Variants in RPL14 observed in about 807,000 individuals in gnomAD.
RPL14 encodes large ribosomal subunit protein eL14.
A neutral mutation model predicts 25.3 loss-of-function variants in RPL14; 4 were observed. The ratio of observed to expected loss-of-function variants is 0.16; its 90% CI spans 0.08 to 0.36. The LOEUF is 0.36. Among genes scored for constraint, RPL14 ranks in the 10% least tolerant of loss-of-function variants. RPL14 has a pLI of 1.00. For missense variants in RPL14, 212 were observed against 261.9 expected (o/e 0.81, Z 1.31); for synonymous variants, 75 against 89.8 (o/e 0.84, Z 0.93).
intron 3 of RPL14, among the ~76,000 whole-genome samples, chr3:40,460,605 T>G (rs562627842): frequency 5.3e-5 from 6 of 112,982 alleles, no homozygotes; most frequent in Non-Finnish European, 7.4e-5. Context: ...TTTTTTGTGT[T>G]TTTTTTGAGG....
Position 40,457,875 on chromosome 3 carries a change from C to G in RPL14, c.4-15C>G. The stretch of plus-strand genomic sequence containing the variant: ...TTCTAAGTAAGTTTCACTGTCCTTT[C>G]TCCTCCAATTTTAGGTGTTCAGGCG... On this transcript the variant is annotated splice_polypyrimidine_tract_variant and intron_variant, in intron 1 of 5. Coordinates refer to ENST00000396203, the MANE Select transcript of RPL14 (RefSeq NM_001034996.3). 6.2e-7 allele frequency: 1 copy of G among 1,611,448 alleles called. No individual in the cohort carries two copies. The highest frequency in any genetic ancestry group is 8.5e-7 in the Non-Finnish European group (1 of 1,177,492).
intron 3 of RPL14, among the ~76,000 whole-genome samples, chr3:40,459,437 A>G (rs1383342142): frequency 2.6e-5 from 4 of 152,220 alleles, no homozygotes; most frequent in Non-Finnish European, 5.9e-5. Context: ...GAGGCAGTGA[A>G]TAGCAGTTCT....
rs1697012044 is a variant in RPL14 at position 40,465,197 on chromosome 3, GA to G, written c.*2966del. 6.6e-6 allele frequency: 1 copy of G among 152,292 alleles called. No individual in the cohort carries two copies. The highest frequency in any genetic ancestry group is 6.5e-5 in the Admixed American group (1 of 15,284). 9.4% of individuals were successfully genotyped at this position (152,292 alleles called of 1,614,324 possible). ...CGAATAGAGGTTGGAAAGGAGTCATGAGGGGTGGGAAACTAGCAGGGGCACA... is the reference window on the plus strand; with the variant it reads ...CGAATAGAGGTTGGAAAGGAGTCATGGGGGTGGGAAACTAGCAGGGGCACA... On this transcript the variant is annotated 3_prime_UTR_variant, in exon 6 of 6. Coordinates refer to ENST00000396203, the MANE Select transcript of RPL14 (RefSeq NM_001034996.3).
chr3:40,464,147 A>G lies in RPL14; in HGVS notation c.*1915A>G. 3.4e-6 allele frequency: 1 copy of G among 294,202 alleles called. No individual in the cohort carries two copies. The highest frequency in any genetic ancestry group is 3.3e-5 in the South Asian group (1 of 30,394). The allele number at this position is 294,202 out of a possible 1,614,324, so 18.2% of individuals were successfully genotyped here. A position where few individuals can be genotyped will look rare whatever the true frequency, so the allele number is the denominator to read the frequency against. ...ATGCCCCTCTAATATTGTATTAGAG[A>G]TGGGGTTTTGCCATGTCAGCCAGAC... is the stretch of plus-strand genomic sequence containing the variant. On this transcript the variant is annotated 3_prime_UTR_variant, in exon 6 of 6. Coordinates refer to ENST00000396203, the MANE Select transcript of RPL14 (RefSeq NM_001034996.3).
At position 40,462,357 on chromosome 3, in the gene RPL14, A is replaced by G. The variant is rs545919871; in HGVS notation, c.*125A>G. 1.1e-4 allele frequency: 86 copies of G among 809,928 alleles called. No homozygotes were observed. The South Asian group carries it at 1.6e-3, about 15-fold the overall frequency. 50.2% of individuals were successfully genotyped at this position (809,928 alleles called of 1,614,324 possible). On this transcript the variant is annotated 3_prime_UTR_variant, in exon 6 of 6. Transcript: ENST00000396203. Reference sequence around the variant, plus strand: ...GATTGATAGTAGGATTATAATAAACATTAAATAATCAGTTCCTTTTTTTTT... The same window carrying G: ...GATTGATAGTAGGATTATAATAAACGTTAAATAATCAGTTCCTTTTTTTTT...
In RPL14 at chr3:40,465,325, G is replaced by T. The variant is rs1697013604; in HGVS notation, c.*3093G>T. ...TATGGGGTTCGGAGGTTTTGTGTTT[G>T]TAAATCTGGAGTGATGGGCATGTTC... On this transcript the variant is annotated 3_prime_UTR_variant, in exon 6 of 6. Coordinates refer to ENST00000396203, the MANE Select transcript of RPL14 (RefSeq NM_001034996.3). 1 of 152,210 alleles carries T rather than the reference G, an allele frequency of 6.6e-6. No individual in the cohort carries two copies. Among genetic ancestry groups the T allele is most frequent in the Non-Finnish European group, 1.5e-5 (1 of 68,072 alleles). 9.4% of individuals were successfully genotyped at this position (152,210 alleles called of 1,614,324 possible).
intron 1 of RPL14, 34 bp downstream of exon 1, chr3:40,457,508 CG>C: frequency 6.7e-7 from 1 of 1,496,604 alleles, no homozygotes; most frequent in Non-Finnish European, 9.1e-7. Flanking sequence ...GCAGCGGAAT[CG>C]GGCCCTTCCC....
In RPL14 at chr3:40,458,720, C is replaced by G. The variant is rs1049286296; in HGVS notation, c.184C>G (p.Leu62Val). The G allele has an allele frequency of 6.2e-7, 1 of 1,613,984 alleles. No individual in the cohort carries two copies. The highest frequency in any genetic ancestry group is 8.5e-7 in the Non-Finnish European group (1 of 1,179,864). ...GTGCATGCAGCTCACTGATTTCATC[C>G]TCAAGTTTCCGCACAGGTAACTGTC... ...FKCMQLTDFI[L>V]KFPHSAHQKY... is the part of the protein sequence containing the mutation. Residue 62 changes from leucine (L) to valine (V), a missense_variant, in exon 3 of 6, where the codon CTC becomes GTC. Leu to Val is a conservative substitution (Grantham distance 32). Coordinates refer to ENST00000396203, the MANE Select transcript of RPL14 (RefSeq NM_001034996.3).
rs377662454 is a variant in RPL14, at chr3:40,468,134, C to G, written c.*5902C>G. The G allele has an allele frequency of 1.3e-5, 2 of 152,236 alleles. No homozygotes were observed. Among genetic ancestry groups the G allele is most frequent in the African/African-American group, 4.8e-5 (2 of 41,446 alleles). The allele number at this position is 152,236 out of a possible 1,614,324, so 9.4% of individuals were successfully genotyped here. Reference sequence around the variant, plus strand: ...GGGATTACAGGCGTGAGCCACGGCACCAGGCCCTCTTTTTCTATTTAAACA... The same window carrying G: ...GGGATTACAGGCGTGAGCCACGGCAGCAGGCCCTCTTTTTCTATTTAAACA... On this transcript the variant is annotated 3_prime_UTR_variant, in exon 6 of 6. Coordinates refer to ENST00000396203, the MANE Select transcript of RPL14 (RefSeq NM_001034996.3).
intron 1 of RPL14, 183 bp downstream of exon 1, chr3:40,457,657 C>G (rs1696864837): frequency 7.5e-6 from 5 of 666,424 alleles, no homozygotes; most frequent in Non-Finnish European, 1.3e-5. Flanking sequence ...AGAGCCTTGT[C>G]CTGCCGTGTG....
chr3:40,461,295 G>GTA, intron 3 of RPL14, 112 bp from the exon 4 acceptor site: 1 of 789,904 alleles, frequency 1.3e-6, no homozygotes, highest in Non-Finnish European at 2.2e-6. Context: ...AATACATAGT[G>GTA]TACCAGGTGT....
intron 2 of RPL14, chr3:40,458,371 A>C: frequency 3.8e-6 from 2 of 527,754 alleles, no homozygotes; most frequent in Non-Finnish European, 6.8e-6. Context: ...TCAGAGTCCT[A>C]AAGTTGCCTG....
At chr3:40,458,835 C>T (rs563691389) in intron 3 of RPL14, 99 bp downstream of exon 3, 12 of 870,212 alleles carry the variant, frequency 1.4e-5, no homozygotes, top group Admixed American at 1.2e-4. Flanking sequence ...TCAGAGCCAT[C>T]CTGAAGAGGG....
chr3:40,459,933 T>C (rs1003019688), intron 3 of RPL14, among the ~76,000 whole-genome samples: 2 of 148,822 alleles, frequency 1.3e-5, no homozygotes, highest in Non-Finnish European at 3.0e-5. Context: ...TAACACATAA[T>C]GGATTTTGAA....
chr3:40,462,892 G>C lies in RPL14; in HGVS notation c.*660G>C, dbSNP rs1242752843. ...TAAATAGGTAAAGTGACAGCCTCTT[G>C]ATGCTCAAGAGTCTAGCAGATTTAT... On this transcript the variant is annotated 3_prime_UTR_variant, in exon 6 of 6. Coordinates refer to ENST00000396203, the MANE Select transcript of RPL14 (RefSeq NM_001034996.3). 6.6e-6 allele frequency: 1 copy of C among 152,054 alleles called. No homozygotes were observed. Among genetic ancestry groups the C allele is most frequent in the Non-Finnish European group, 1.5e-5 (1 of 68,026 alleles). 9.4% of individuals were successfully genotyped at this position (152,054 alleles called of 1,614,324 possible). A position where few individuals can be genotyped will look rare whatever the true frequency, so the allele number is the denominator to read the frequency against.
chr3:40,457,412 C>G lies in RPL14; in HGVS notation c.-60C>G, dbSNP rs375169934. 6.3e-7 allele frequency: 1 copy of G among 1,593,524 alleles called. No individual in the cohort carries two copies. Among genetic ancestry groups the G allele is most frequent in the East Asian group, 2.3e-5 (1 of 43,156 alleles). The stretch of plus-strand genomic sequence containing the variant: ...CGGGGCCGTCGACCATGCCGCTCGA[C>G]CTCCACCTCCGCTGGGAAGCTGAGG... On this transcript the variant is annotated 5_prime_UTR_variant, in exon 1 of 6. Coordinates refer to ENST00000396203, the MANE Select transcript of RPL14 (RefSeq NM_001034996.3).
At position 40,461,595 on chromosome 3, in the gene RPL14, T is replaced by G. The variant is rs769060786; in HGVS notation, c.301-13T>G. On this transcript the variant is annotated splice_polypyrimidine_tract_variant and intron_variant, in intron 4 of 5. Transcript: ENST00000396203. ...AGAGGGATAATTTTTATTTGTTGTT[T>G]TTTTTTTAACAGAAAGCCAAGATGA... 14 of 1,601,500 alleles carry G rather than the reference T, an allele frequency of 8.7e-6. No individual in the cohort carries two copies. The highest frequency in any genetic ancestry group is 2.3e-5 in the South Asian group (2 of 87,898).
intron 3 of RPL14, 172 bp downstream of exon 3, chr3:40,458,908 G>A: frequency 3.3e-6 from 2 of 602,436 alleles, no homozygotes; most frequent in Non-Finnish European, 6.0e-6. Context: ...GCGCGTGATA[G>A]CTCATGCCTG....
rs61748304 is a variant in RPL14, at chr3:40,458,683, C to T, written c.147C>T (p.Ala49=). The change falls in exon 3 of 6, where the codon GCC becomes GCT. Residue 49 remains alanine, a synonymous_variant. Coordinates refer to ENST00000396203, the MANE Select transcript of RPL14 (RefSeq NM_001034996.3). ...DGPCTQVRRQ[A]MPFKCMQLTD... ...CTTGCACTCAAGTGAGGAGACAGGC[C>T]ATGCCTTTCAAGTGCATGCAGCTCA... The T allele has an allele frequency of 2.9e-3, 4,698 of 1,614,138 alleles. 11 individuals carry two copies. Among genetic ancestry groups the T allele is most frequent in the Non-Finnish European group, 3.8e-3 (4,507 of 1,180,012 alleles).
Sources: allele counts gnomAD v4.1 joint callset (sites outside exome capture counted in the v4.1 genomes callset), GRCh38; gene constraint gnomAD v4.1.1; transcripts MANE v1.5; gene names NCBI Gene and HGNC (gene_info 2026-07-23, HGNC 2026-07-21).